Variants in PRKAR1B observed in about 807,000 individuals in gnomAD.
PRKAR1B encodes the protein cAMP-dependent protein kinase type I-beta regulatory subunit.
PRKAR1B carries 22 observed loss-of-function variants against 46.5 expected under a neutral mutation model. The ratio of observed to expected loss-of-function variants is 0.47; its 90% CI spans 0.34 to 0.68. PRKAR1B has a LOEUF of 0.68. Ranked by LOEUF, PRKAR1B falls within the 30% of genes least tolerant of loss-of-function variation. The pLI, the probability that PRKAR1B is intolerant of heterozygous loss-of-function variation, is 0.01. For missense variants in PRKAR1B, 445 were observed against 535.6 expected (o/e 0.83, Z 1.67); for synonymous variants, 259 against 217.7 (o/e 1.19, Z -1.67).
chr7:686,797 T>A (rs1344902376), intron 2 of PRKAR1B, among the ~76,000 whole-genome samples: 1 of 152,094 alleles, frequency 6.6e-6, no homozygotes, highest in Non-Finnish European at 1.5e-5. Context: ...ACACAGCAGT[T>A]GGAACCACAA....
rs1275237920 is a variant in PRKAR1B, at chr7:636,435, G to GA, written c.441-28984_441-28983insT. On this transcript the variant is annotated intron_variant, in intron 4 of 10. Coordinates refer to ENST00000537384, the MANE Select transcript of PRKAR1B (RefSeq NM_001164760.2). Reference sequence around the variant, plus strand: ...GGCCGCGCCCACACGTCCTCCACCGGCCGCGCCCTCACGTCCTCCACCGGA... The same window carrying GA: ...GGCCGCGCCCACACGTCCTCCACCGGACCGCGCCCTCACGTCCTCCACCGGA... Among the ~76,000 whole-genome samples the GA allele has an allele frequency of 5.9e-3, 470 of 79,190 alleles. 14 individuals carry two copies. Among genetic ancestry groups the GA allele is most frequent in the Non-Finnish European group, 7.7e-3 (248 of 32,138 alleles). 52.0% of individuals were successfully genotyped at this position (79,190 alleles called of 152,430 possible).
At chr7:631,203 G>A (rs550317939) in intron 4 of PRKAR1B, among the ~76,000 whole-genome samples, 2 of 152,310 alleles carry the variant, frequency 1.3e-5, no homozygotes, top group Admixed American at 6.5e-5. Flanking sequence ...CGCCCACCTT[G>A]AACTCCCAAA....
At chr7:700,134 C>T (rs1308142589) in intron 2 of PRKAR1B, among the ~76,000 whole-genome samples, 1 of 152,092 alleles carries the variant, frequency 6.6e-6, no homozygotes, top group East Asian at 1.9e-4. Context: ...AGGTTCAACC[C>T]CAAGTTTCGT....
At chr7:630,187 G>A (rs1783654802) in intron 4 of PRKAR1B, among the ~76,000 whole-genome samples, 1 of 152,246 alleles carries the variant, frequency 6.6e-6, no homozygotes, top group African/African-American at 2.4e-5. Flanking sequence ...CCCCCTTCCA[G>A]GACCAGGGCA....
At chr7:621,704 C>A (rs1490369442) in intron 4 of PRKAR1B, among the ~76,000 whole-genome samples, 1 of 152,240 alleles carries the variant, frequency 6.6e-6, no homozygotes, top group Admixed American at 6.5e-5. Flanking sequence ...CTGGCCATCA[C>A]CTCATCATGT....
At chr7:626,720 T>C (rs1303029687) in intron 4 of PRKAR1B, among the ~76,000 whole-genome samples, 1 of 142,572 alleles carries the variant, frequency 7.0e-6, no homozygotes, top group African/African-American at 2.6e-5. Flanking sequence ...TAAAGTGAAC[T>C]TTTTTTTTTT....
chr7:664,847 G>A (rs776414745), intron 4 of PRKAR1B, among the ~76,000 whole-genome samples: 1 of 152,146 alleles, frequency 6.6e-6, no homozygotes, highest in Non-Finnish European at 1.5e-5. Context: ...CCAGGAAGTC[G>A]AGGCTGCAGT....
chr7:574,924 A>C (rs1229943248), intron 9 of PRKAR1B, among the ~76,000 whole-genome samples: 1 of 152,142 alleles, frequency 6.6e-6, no homozygotes, highest in East Asian at 1.9e-4. Context: ...CTGCCTTTCC[A>C]CCTGTCACCG....
intron 4 of PRKAR1B, among the ~76,000 whole-genome samples, chr7:655,510 G>A (rs1053967152): frequency 1.3e-5 from 2 of 151,956 alleles, no homozygotes; most frequent in Admixed American, 6.6e-5. Context: ...CTCCAAAACT[G>A]CATCCCCATC....
chr7:579,113 C>G, intron 9 of PRKAR1B, 143 bp downstream of exon 9: 1 of 1,542,986 alleles, frequency 6.5e-7, no homozygotes, highest in East Asian at 2.3e-5. Flanking sequence ...CCACCCACCC[C>G]ATGGAGGCCC....
intron 4 of PRKAR1B, among the ~76,000 whole-genome samples, chr7:637,649 C>T (rs1784188864): frequency 6.6e-6 from 1 of 151,940 alleles, no homozygotes; most frequent in South Asian, 2.1e-4. Context: ...GCCTGGCCAA[C>T]ATAGTGAAAC....
At chr7:552,357 ACCCAAACCCCCACCTCC>A (rs1214059745) in intron 9 of PRKAR1B, among the ~76,000 whole-genome samples, 16 of 62,468 alleles carry the variant, frequency 2.6e-4, no homozygotes, top group African/African-American at 1.1e-3. Flanking sequence ...CCACGTCACC[ACCCAAACCCCCACCTCC>A]CGCCCGGGTC....
At chr7:688,875 C>T (rs1435686622) in intron 2 of PRKAR1B, among the ~76,000 whole-genome samples, 1 of 152,164 alleles carries the variant, frequency 6.6e-6, no homozygotes, top group Non-Finnish European at 1.5e-5. Flanking sequence ...ACTGCTAAAT[C>T]TCTGGTGCTT....
chr7:626,008 C>CAA (rs71016892), intron 4 of PRKAR1B, among the ~76,000 whole-genome samples: 4 of 110,534 alleles, frequency 3.6e-5, no homozygotes, highest in East Asian at 2.7e-4. Context: ...AACTCCATCT[C>CAA]AAAAAAAAAA....
At chr7:579,646 A>G (rs532858627) in intron 8 of PRKAR1B, among the ~76,000 whole-genome samples, 13 of 152,348 alleles carry the variant, frequency 8.5e-5, no homozygotes, top group Admixed American at 2.6e-4. Context: ...CTATTCTGAC[A>G]CTTATCCCTG....
At chr7:609,180 C>T (rs1271543629) in intron 4 of PRKAR1B, among the ~76,000 whole-genome samples, 3 of 152,138 alleles carry the variant, frequency 2.0e-5, no homozygotes, top group Admixed American at 2.0e-4. Flanking sequence ...CATTTCCTGG[C>T]CACGGCCTCC....
intron 4 of PRKAR1B, among the ~76,000 whole-genome samples, chr7:636,329 TCCTCCACCGGCC>T (rs1784075894): frequency 9.8e-5 from 1 of 10,220 alleles, no homozygotes; most frequent in Non-Finnish European, 1.9e-4. Flanking sequence ...CGCCCACACG[TCCTCCACCGGCC>T]GCGCCCACAC....
chr7:583,431 CACCCACA>C (rs1191533703), intron 8 of PRKAR1B, among the ~76,000 whole-genome samples: 11 of 56,008 alleles, frequency 2.0e-4, no homozygotes, highest in African/African-American at 7.4e-4. Context: ...CACACGCACA[CACCCACA>C]GTGCACACTC....
At chr7:611,749 G>A (rs1180568380) in intron 4 of PRKAR1B, among the ~76,000 whole-genome samples, 1 of 150,742 alleles carries the variant, frequency 6.6e-6, no homozygotes, top group East Asian at 2.0e-4. Context: ...TGGATGTACA[G>A]GTGGGTGAGT....
Sources: allele counts gnomAD v4.1 joint callset (sites outside exome capture counted in the v4.1 genomes callset), GRCh38; gene constraint gnomAD v4.1.1; transcripts MANE v1.5; gene names NCBI Gene and HGNC (gene_info 2026-07-23, HGNC 2026-07-21).